Variants in CDH11 observed in about 807,000 individuals in gnomAD.
CDH11 encodes the protein cadherin 11.
In CDH11, 11 loss-of-function variants were observed where a neutral mutation model predicts 67.8. The ratio of observed to expected loss-of-function variants is 0.16; its 90% CI spans 0.10 to 0.27. CDH11 has a LOEUF of 0.27. Among genes scored for constraint, CDH11 ranks in the 10% least tolerant of loss-of-function variants. The probability of loss-of-function intolerance (pLI) is 1.00; values close to 1 mark genes in which losing one functional copy is unlikely to be tolerated. For missense variants in CDH11, 847 were observed against 1,031.2 expected (o/e 0.82, Z 2.45); for synonymous variants, 419 against 400.0 (o/e 1.05, Z -0.57).
At chr16:65,034,910 C>T (rs146268474) in intron 2 of CDH11, among the ~76,000 whole-genome samples, 1 of 152,294 alleles carries the variant, frequency 6.6e-6, no homozygotes, top group Non-Finnish European at 1.5e-5. Context: ...CACAAATAGC[C>T]TTCTGCTCCA....
At chr16:65,118,970 A>T (rs1421546028) in intron 1 of CDH11, 1 of 152,186 alleles carries the variant, frequency 6.6e-6, no homozygotes, top group Non-Finnish European at 1.5e-5. Context: ...TTTGAATATA[A>T]GAGATCAAAG....
At chr16:65,035,238 C>A (rs2073729868) in intron 2 of CDH11, among the ~76,000 whole-genome samples, 1 of 152,198 alleles carries the variant, frequency 6.6e-6, no homozygotes, top group Non-Finnish European at 1.5e-5. Flanking sequence ...GGAGTGTGCC[C>A]AGGGCTTGGT....
chr16:65,056,231 C>T (rs1001288633), intron 1 of CDH11, among the ~76,000 whole-genome samples: 3 of 152,316 alleles, frequency 2.0e-5, no homozygotes, highest in East Asian at 1.9e-4. Context: ...TGTGAGAAAG[C>T]TCCAGACAGC....
intron 1 of CDH11, among the ~76,000 whole-genome samples, chr16:65,057,411 G>A (rs2074161977): frequency 6.6e-6 from 1 of 152,138 alleles, no homozygotes; most frequent in African/African-American, 2.4e-5. Flanking sequence ...GCTGCCCACA[G>A]CACTAAGCCT....
rs755464388 is a variant in CDH11, at chr16:64,982,146, G to A, written c.1155C>T (p.Ala385=). The A allele has an allele frequency of 1.2e-6, 2 of 1,613,964 alleles. No individual in the cohort carries two copies. The highest frequency in any genetic ancestry group is 2.2e-5 in the South Asian group (2 of 91,078). Residue 385 remains alanine, a synonymous_variant, in exon 8 of 13, where the codon GCC becomes GCT. Transcript: ENST00000268603. ...CTTGGACTTCGTGGATGTAACTTGG[G>A]GCCAAGAACATAGGGGGCTCATCAG... ...EDADEPPMFL[A]PSYIHEVQEN... is the part of the protein sequence containing the mutation.
At chr16:65,015,229 T>G (rs1037827735) in intron 2 of CDH11, among the ~76,000 whole-genome samples, 3 of 151,670 alleles carry the variant, frequency 2.0e-5, no homozygotes, top group Non-Finnish European at 4.4e-5. Context: ...AAGTTCAGAG[T>G]AGAATTAGCT....
chr16:65,063,180 G>A (rs1305801776), intron 1 of CDH11, among the ~76,000 whole-genome samples: 2 of 152,148 alleles, frequency 1.3e-5, no homozygotes, highest in South Asian at 2.1e-4. Context: ...CTCGATTTGT[G>A]AGTCACATGT....
At chr16:65,077,846 C>G (rs919960812) in intron 1 of CDH11, among the ~76,000 whole-genome samples, 1 of 152,166 alleles carries the variant, frequency 6.6e-6, no homozygotes, top group African/African-American at 2.4e-5. Flanking sequence ...TTTTTCACAT[C>G]AAAGATAAAG....
rs966393752 is a variant in CDH11 at position 64,946,016 on chromosome 16, A to G, written c.*1587T>C. On this transcript the variant is annotated 3_prime_UTR_variant, in exon 13 of 13. Coordinates refer to ENST00000268603, the MANE Select transcript of CDH11 (RefSeq NM_001797.4). ...TGAAATGCCCTTCACATAAGTTTCA[A>G]TCCCCAAGAAACTAGCTGGAATGCA... 5 of 1,058,776 alleles carry G rather than the reference A, an allele frequency of 4.7e-6. No homozygotes were observed. In the East Asian group the frequency reaches 1.6e-4, roughly 33 times the overall value. 65.6% of individuals were successfully genotyped at this position (1,058,776 alleles called of 1,614,324 possible). A position where few individuals can be genotyped will look rare whatever the true frequency, so the allele number is the denominator to read the frequency against.
At chr16:65,087,634 G>T (rs1470581863) in intron 1 of CDH11, among the ~76,000 whole-genome samples, 16 of 152,206 alleles carry the variant, frequency 1.1e-4, no homozygotes, top group Admixed American at 9.8e-4. Flanking sequence ...AACACAAGCT[G>T]CTCAGAATGA....
intron 2 of CDH11, among the ~76,000 whole-genome samples, chr16:65,046,386 A>T (rs559094135): frequency 4.6e-5 from 7 of 152,308 alleles, no homozygotes; most frequent in African/African-American, 1.7e-4. Context: ...TTTCCCAAAG[A>T]TCAAGTGGCC....
intron 1 of CDH11, among the ~76,000 whole-genome samples, chr16:65,076,063 G>A (rs1477668188): frequency 6.6e-6 from 1 of 152,192 alleles, no homozygotes; most frequent in Non-Finnish European, 1.5e-5. Flanking sequence ...GTGAGCTGCA[G>A]TCCCCGTAGA....
rs1272739571 is a variant in CDH11, at chr16:64,944,636, C to G, written c.*2967G>C. ...CCTGGTTCCACCTGACATACAGAGC[C>G]ATGATCTCTATATTTTTAAGCAATT... On this transcript the variant is annotated 3_prime_UTR_variant, in exon 13 of 13. Transcript: ENST00000268603. 1.7e-5 allele frequency: 4 copies of G among 231,500 alleles called. No homozygotes were observed. Among genetic ancestry groups the G allele is most frequent in the African/African-American group, 8.8e-5 (4 of 45,236 alleles). 14.3% of individuals were successfully genotyped at this position (231,500 alleles called of 1,614,324 possible).
chr16:64,961,730 A>T (rs1464795281), intron 11 of CDH11, among the ~76,000 whole-genome samples: 1 of 152,158 alleles, frequency 6.6e-6, no homozygotes, highest in Admixed American at 6.5e-5. Context: ...AGAGGGTTGA[A>T]AATTAAAATT....
chr16:64,948,848 G>T, intron 12 of CDH11: 1 of 1,159,646 alleles, frequency 8.6e-7, no homozygotes, highest in Non-Finnish European at 1.2e-6. Context: ...ATTCTTCATT[G>T]ATTCCCTCTT....
At chr16:65,113,805 G>A (rs1184194175) in intron 1 of CDH11, among the ~76,000 whole-genome samples, 3 of 152,092 alleles carry the variant, frequency 2.0e-5, no homozygotes, top group South Asian at 2.1e-4. Flanking sequence ...ACTAGAATGC[G>A]TGATTTCCAC....
At chr16:65,085,868 T>A (rs1321295544) in intron 1 of CDH11, among the ~76,000 whole-genome samples, 6 of 152,240 alleles carry the variant, frequency 3.9e-5, no homozygotes, top group Admixed American at 3.9e-4. Flanking sequence ...GAAGGTACTA[T>A]CCTTATACTC....
intron 2 of CDH11, among the ~76,000 whole-genome samples, chr16:65,034,105 T>C (rs1166740979): frequency 2.0e-5 from 3 of 152,322 alleles, no homozygotes; most frequent in South Asian, 2.1e-4. Context: ...TCTGTGCAGA[T>C]GGCCAAGTTA....
rs1203376770 is a variant in CDH11, at chr16:65,122,001, G to A, written c.-419C>T. 1.4e-6 allele frequency: 1 copy of A among 699,886 alleles called. No homozygotes were observed. The highest frequency in any genetic ancestry group is 1.8e-5 in the African/African-American group (1 of 57,062). The allele number at this position is 699,886 out of a possible 1,614,324, so 43.4% of individuals were successfully genotyped here. A position where few individuals can be genotyped will look rare whatever the true frequency, so the allele number is the denominator to read the frequency against. ...TCACAAGTCAGCGGCGGCTGCGAGC[G>A]GCCCCCGCGGCATCTGCTCCTCGGC... On this transcript the variant is annotated 5_prime_UTR_variant, in exon 1 of 13. Transcript: ENST00000268603.
Sources: allele counts gnomAD v4.1 joint callset (sites outside exome capture counted in the v4.1 genomes callset), GRCh38; gene constraint gnomAD v4.1.1; transcripts MANE v1.5; gene names NCBI Gene and HGNC (gene_info 2026-07-23, HGNC 2026-07-21).